Variants in ZFP64 observed in about 807,000 individuals in gnomAD.
The protein encoded by ZFP64 is zinc finger protein 64.
ZFP64 carries 14 observed loss-of-function variants against 51.6 expected under a neutral mutation model. That is an observed-to-expected ratio of 0.27 (90% CI 0.18 to 0.42). ZFP64 has a LOEUF of 0.42. Ranked by LOEUF, ZFP64 falls within the 10% of genes least tolerant of loss-of-function variation. ZFP64 has a pLI of 1.00. For missense variants in ZFP64, 754 were observed against 906.8 expected, an observed-to-expected ratio of 0.83 and a Z score of 2.16; for synonymous variants, 375 against 361.4, an observed-to-expected ratio of 1.04 and a Z score of -0.43.
At chr20:52,159,723 A>T (rs1225124929) in intron 5 of ZFP64, among the ~76,000 whole-genome samples, 1 of 152,218 alleles carries the variant, frequency 6.6e-6, no homozygotes, top group Non-Finnish European at 1.5e-5. Flanking sequence ...GTGGTACAAC[A>T]TACCTGTAAT....
intron 5 of ZFP64, among the ~76,000 whole-genome samples, chr20:52,127,340 G>T (rs1458082556): frequency 6.6e-6 from 1 of 151,932 alleles, no homozygotes; most frequent in Non-Finnish European, 1.5e-5. Context: ...ATATGGTTAG[G>T]CTTTGTGTTC....
intron 2 of ZFP64, among the ~76,000 whole-genome samples, chr20:52,173,031 A>T (rs1982883251): frequency 6.6e-6 from 1 of 152,026 alleles, no homozygotes. Flanking sequence ...GATAATCCAC[A>T]TCTATTTCTC....
intron 2 of ZFP64, among the ~76,000 whole-genome samples, 177 bp downstream of exon 2, chr20:52,186,655 C>T (rs1359096701): frequency 6.6e-6 from 1 of 151,804 alleles, no homozygotes; most frequent in Admixed American, 6.6e-5. Context: ...AATGTTTTAA[C>T]CTAGCAGCTC....
chr20:52,084,652 T>C, exon 9 of ZFP64: 2 of 1,614,194 alleles, frequency 1.2e-6, no homozygotes, highest in Non-Finnish European at 1.7e-6. Context: ...GGTGGGAAGG[T>C]GACCAAGTCT....
chr20:52,191,602 C>T lies in ZFP64; in HGVS notation c.35G>A (p.Gly12Asp). 1 of 1,589,608 alleles carries T rather than the reference C, an allele frequency of 6.3e-7. No individual in the cohort carries two copies. The highest frequency in any genetic ancestry group is 2.3e-5 in the East Asian group (1 of 42,944). The stretch of plus-strand genomic sequence containing the variant: ...GGAAAAGCACTTACTTTGCACCGAG[C>T]CCGCGAAGCTCTCGCCCTCGCTGCT... The part of the protein sequence containing the change: ...NASSEGESFA[G>D]SVQIPGGTTV... The change falls in exon 1 of 6, where the codon GGC (glycine) becomes GAC (aspartate). Residue 12 changes from glycine (G) to aspartate (D), a missense_variant. Around this residue, in one of 3 missense-constraint regions of ZFP64, gnomAD observed 95 missense variants for 97.7 expected, o/e 0.97. Coordinates refer to ENST00000216923, the MANE Select transcript of ZFP64 (RefSeq NM_018197.3). The surrounding 1 kb of genome is among the most constrained non-coding windows in gnomAD (Gnocchi z 4.3).
In ZFP64 at chr20:52,097,369, C is replaced by T. The variant is rs574438962; in HGVS notation, c.976+4G>A. The T allele has an allele frequency of 4.3e-6, 7 of 1,613,058 alleles. No individual in the cohort carries two copies. In the East Asian group the frequency reaches 8.9e-5, roughly 21 times the overall value. ...CTGAGCTGTTGAACAGAATGGATACCTACCCGTGTGGATTCTGAGATGGCG... is the reference window on the plus strand; with the variant it reads ...CTGAGCTGTTGAACAGAATGGATACTTACCCGTGTGGATTCTGAGATGGCG... On this transcript the variant is annotated splice_donor_region_variant and intron_variant, in intron 7 of 8. Transcript: ENST00000361387.
chr20:52,167,383 A>C (rs1284025975), intron 2 of ZFP64, among the ~76,000 whole-genome samples: 2 of 152,132 alleles, frequency 1.3e-5, no homozygotes, highest in Non-Finnish European at 2.9e-5. Context: ...GTAAAAGATA[A>C]GATAGGCAGT....
In ZFP64 at chr20:52,165,416, G is replaced by C. The variant is rs1284539997; in HGVS notation, c.448+448C>G. 7 of 454,716 alleles carry C rather than the reference G, an allele frequency of 1.5e-5. No individual in the cohort carries two copies. The East Asian group carries it at 4.8e-4, about 31-fold the overall frequency. 28.2% of individuals were successfully genotyped at this position (454,716 alleles called of 1,614,324 possible). On this transcript the variant is annotated intron_variant, in intron 3 of 5. Transcript: ENST00000216923. ...GTATATATATTTGTATATATACAAA[G>C]AATGACAAAGCAAATATAATAAAAT...
Position 52,191,693 on chromosome 20 carries a change from C to G in ZFP64, c.-57G>C, listed in dbSNP as rs545155350. The G allele has an allele frequency of 6.5e-7, 1 of 1,543,992 alleles. No homozygotes were observed. The highest frequency in any genetic ancestry group is 1.4e-5 in the African/African-American group (1 of 71,726). ...GGATGCCAAAGTGGGGGACGCTGAT[C>G]TACATGGTGCAAGGACTTTTCCTTT... On this transcript the variant is annotated 5_prime_UTR_variant, in exon 1 of 6. It removes the in-frame stop codon of an upstream open reading frame in the 5' UTR. Coordinates refer to ENST00000216923, the MANE Select transcript of ZFP64 (RefSeq NM_018197.3). This position sits in a 1 kb window ranked among gnomAD's most constrained non-coding sequence, Gnocchi z 4.3.
At chr20:52,170,421 C>T (rs1434115983) in intron 2 of ZFP64, among the ~76,000 whole-genome samples, 3 of 152,076 alleles carry the variant, frequency 2.0e-5, no homozygotes, top group Non-Finnish European at 4.4e-5. Context: ...CACTACACTC[C>T]AGTCTGGGTG....
intron 1 of ZFP64, among the ~76,000 whole-genome samples, chr20:52,188,401 G>A (rs1403151207): frequency 1.5e-5 from 2 of 133,158 alleles, no homozygotes; most frequent in African/African-American, 5.7e-5. Flanking sequence ...TGCAAGCTCT[G>A]CCTCCCGGGT....
chr20:52,169,475 C>T (rs773203812), intron 2 of ZFP64, among the ~76,000 whole-genome samples: 8 of 152,222 alleles, frequency 5.3e-5, no homozygotes, highest in Middle Eastern at 3.4e-3. Context: ...TATGGGTGGC[C>T]AGGTCCTCCC....
intron 5 of ZFP64, among the ~76,000 whole-genome samples, chr20:52,126,368 T>C (rs767116558): frequency 6.6e-6 from 1 of 152,202 alleles, no homozygotes; most frequent in Non-Finnish European, 1.5e-5. Context: ...TCTTTCTGAC[T>C]TCAGAACCCT....
chr20:52,160,125 G>A lies in ZFP64; in HGVS notation c.761C>T (p.Thr254Met). The A allele has an allele frequency of 3.7e-6, 6 of 1,614,232 alleles. No individual in the cohort carries two copies. Among genetic ancestry groups the A allele is most frequent in the Non-Finnish European group, 5.1e-6 (6 of 1,180,050 alleles). The change falls in exon 5 of 6, where the codon ACG (threonine) becomes ATG (methionine). Residue 254 changes from threonine to methionine, a missense_variant and splice_region_variant. Physicochemically the swap from Thr to Met is moderately conservative, Grantham distance 81. Transcript: ENST00000216923. This position sits in a 1 kb window ranked among gnomAD's most constrained non-coding sequence, Gnocchi z 4.2. ...AGCAAATAACAGGCAGGACTCACCC[G>A]TGTGGGATCGCAGGTGGACAGTGAG... is the stretch of plus-strand genomic sequence containing the variant. ...SQLTVHLRSHTGDAPFQCWLC... is the reference protein window; with the variant it reads ...SQLTVHLRSHMGDAPFQCWLC...
chr20:52,105,955 G>C (rs1054310192), intron 5 of ZFP64, among the ~76,000 whole-genome samples: 16 of 152,296 alleles, frequency 1.1e-4, no homozygotes, highest in African/African-American at 3.6e-4. Context: ...TCTCAACCCT[G>C]CTGCATACCC....
At chr20:52,148,708 A>G (rs187287195), downstream of ZFP64, among the ~76,000 whole-genome samples, 5 of 32,362 alleles carry the variant, frequency 1.5e-4, no homozygotes, top group Non-Finnish European at 5.4e-4. Context: ...CAAAACAAGA[A>G]AAAAAAAAAA....
intron 5 of ZFP64, among the ~76,000 whole-genome samples, chr20:52,124,587 TA>T (rs1979356461): frequency 6.6e-6 from 1 of 151,844 alleles, no homozygotes; most frequent in African/African-American, 2.4e-5. Context: ...AAAAATATTG[TA>T]AAAAAGTAAA....
chr20:52,146,163 G>A (rs1039981147), intron 5 of ZFP64, among the ~76,000 whole-genome samples: 1 of 151,810 alleles, frequency 6.6e-6, no homozygotes, highest in African/African-American at 2.4e-5. Flanking sequence ...GTAGGCAATA[G>A]AAATGTTTCA....
chr20:52,124,019 G>A (rs894513669), intron 5 of ZFP64, among the ~76,000 whole-genome samples: 7 of 151,768 alleles, frequency 4.6e-5, no homozygotes, highest in African/African-American at 1.5e-4. Context: ...ACAGGCACCC[G>A]CCACCATGCC....
Sources: allele counts gnomAD v4.1 joint callset (sites outside exome capture counted in the v4.1 genomes callset), GRCh38; gene constraint gnomAD v4.1.1; regional missense constraint gnomAD v4.1.1; non-coding constraint Gnocchi (gnomAD v3.1); transcripts MANE v1.5; gene names NCBI Gene and HGNC (gene_info 2026-07-23, HGNC 2026-07-21).